The following LRRC37A2 variants were observed in gnomAD, a reference collection of about 807,000 sequenced individuals.
The protein encoded by LRRC37A2 is leucine-rich repeat-containing protein 37A2.
Under a neutral mutation model 68.8 loss-of-function variants are expected in LRRC37A2, and 9 were observed. The ratio of observed to expected loss-of-function variants is 0.13; its 90% confidence interval spans 0.08 to 0.23. The LOEUF (loss-of-function observed/expected upper bound fraction) is 0.23. Among genes scored for constraint, LRRC37A2 ranks in the 10% least tolerant of loss-of-function variants. The pLI is 1.00. For synonymous variants in LRRC37A2, 63 were observed against 367.6 expected, an observed-to-expected ratio of 0.17 and a Z score of 9.48; for missense variants, 168 against 950.4, an observed-to-expected ratio of 0.18 and a Z score of 10.82.
At chr17:46,711,732 C>T in the LRRC37A2 span, among the ~76,000 whole-genome samples, 1 of 152,016 alleles carries the variant, frequency 6.6e-6, no homozygotes. Context: ...TCAGTGAGGC[C>T]CCATGACAAG....
the LRRC37A2 span, among the ~76,000 whole-genome samples, chr17:46,962,017 G>T: frequency 6.6e-6 from 1 of 152,168 alleles, no homozygotes; most frequent in African/African-American, 2.4e-5. Context: ...TAAGGGAGTG[G>T]GGCATAGTTG....
chr17:46,958,364 A>G, the LRRC37A2 span, among the ~76,000 whole-genome samples: 2 of 152,264 alleles, frequency 1.3e-5, no homozygotes, highest in Non-Finnish European at 2.9e-5. Flanking sequence ...CACTCCTGAC[A>G]GTTGCAACAG....
the LRRC37A2 span, among the ~76,000 whole-genome samples, chr17:46,684,544 C>T: frequency 6.6e-6 from 1 of 151,914 alleles, no homozygotes; most frequent in Non-Finnish European, 1.5e-5. Context: ...GTACTGTTAC[C>T]AAAACAGATA....
the LRRC37A2 span, among the ~76,000 whole-genome samples, chr17:46,797,605 A>G: frequency 6.6e-6 from 1 of 152,238 alleles, no homozygotes; most frequent in Non-Finnish European, 1.5e-5. Flanking sequence ...TGTAAAGCTC[A>G]ACATTCACAC....
chr17:47,019,949 C>T, the LRRC37A2 span: 2 of 683,374 alleles, frequency 2.9e-6, no homozygotes, highest in Non-Finnish European at 5.2e-6. Flanking sequence ...TCTCCCTTCT[C>T]CTCATTCTCC....
chr17:46,823,130 ATATATATTATATTATATATATT>A, the LRRC37A2 span, among the ~76,000 whole-genome samples: 1 of 126,212 alleles, frequency 7.9e-6, no homozygotes, highest in Non-Finnish European at 1.6e-5. Flanking sequence ...ATTATATATT[ATATATATTATATTATATATATT>A]TATATATTAT....
At chr17:46,818,855 C>T in the LRRC37A2 span, 1 of 550,394 alleles carries the variant, frequency 1.8e-6, no homozygotes, top group South Asian at 2.2e-5. Flanking sequence ...ACGCGCCCCT[C>T]CCGCCCGGCC....
At chr17:46,869,461 C>T in the LRRC37A2 span, among the ~76,000 whole-genome samples, 1 of 152,168 alleles carries the variant, frequency 6.6e-6, no homozygotes. Flanking sequence ...GAGTGCTGGG[C>T]AGCGTCCCTG....
chr17:46,890,747 A>G, the LRRC37A2 span, among the ~76,000 whole-genome samples: 4 of 152,116 alleles, frequency 2.6e-5, no homozygotes, highest in Non-Finnish European at 5.9e-5. Flanking sequence ...CAAGGATCTC[A>G]CCAGCCATGG....
At chr17:46,992,198 C>CTAAATAAATAAATAAA in the LRRC37A2 span, among the ~76,000 whole-genome samples, 443 of 143,864 alleles carry the variant, frequency 3.1e-3, 2 homozygotes, top group African/African-American at 8.5e-3. Context: ...CCCATCTCTA[C>CTAAATAAATAAATAAA]TAAATAAATA....
chr17:46,900,168 C>CATATATATATATAT, the LRRC37A2 span, among the ~76,000 whole-genome samples: 2 of 64,054 alleles, frequency 3.1e-5, no homozygotes, highest in East Asian at 5.1e-4. Context: ...TATACATATA[C>CATATATATATATAT]ATATATATAT....
chr17:46,931,470 T>A, the LRRC37A2 span: 3 of 522,998 alleles, frequency 5.7e-6, no homozygotes, highest in Non-Finnish European at 6.8e-6. Context: ...CCAGTTCTGT[T>A]TTTTGACTAG....
At chr17:46,980,884 A>G in the LRRC37A2 span, among the ~76,000 whole-genome samples, 10 of 152,198 alleles carry the variant, frequency 6.6e-5, no homozygotes, top group African/African-American at 2.2e-4. Flanking sequence ...ATCAAAAAGT[A>G]CTTCCTACTA....
chr17:46,545,322 A>C (rs1308850692), intron 8 of LRRC37A2, among the ~76,000 whole-genome samples: 2 of 144,770 alleles, frequency 1.4e-5, no homozygotes, highest in Admixed American at 1.4e-4. Context: ...ATGGTGGTGC[A>C]AGCCTATACT....
chr17:46,992,168 C>G, the LRRC37A2 span, among the ~76,000 whole-genome samples: 2 of 88,792 alleles, frequency 2.3e-5, no homozygotes, highest in Non-Finnish European at 5.6e-5. Context: ...TGAGACCAGC[C>G]TGGCCAACAT....
the LRRC37A2 span, among the ~76,000 whole-genome samples, chr17:46,428,925 CA>C: frequency 5.1e-3 from 35 of 6,852 alleles, no homozygotes; most frequent in African/African-American, 0.024. Flanking sequence ...GACTCCATCT[CA>C]AAAAAAAAAA....
At chr17:46,916,256 A>ATGAG in the LRRC37A2 span, among the ~76,000 whole-genome samples, 1 of 152,208 alleles carries the variant, frequency 6.6e-6, no homozygotes, top group South Asian at 2.1e-4. Context: ...TAGTGATCTC[A>ATGAG]TGAGATACTG....
At chr17:46,533,737 A>G (rs1361815163) in intron 6 of LRRC37A2, among the ~76,000 whole-genome samples, 1 of 88,696 alleles carries the variant, frequency 1.1e-5, no homozygotes, top group Admixed American at 1.1e-4. Flanking sequence ...CTTGACCTCA[A>G]GTGATCCTCC....
chr17:46,971,486 C>G, the LRRC37A2 span, among the ~76,000 whole-genome samples: 1 of 152,164 alleles, frequency 6.6e-6, no homozygotes, highest in African/African-American at 2.4e-5. Flanking sequence ...CCCAGTGCCC[C>G]ACCCTAGCCT....
Sources: allele counts gnomAD v4.1 joint callset (sites outside exome capture counted in the v4.1 genomes callset), GRCh38; gene constraint gnomAD v4.1.1; transcripts MANE v1.5; gene names NCBI Gene and HGNC (gene_info 2026-07-23, HGNC 2026-07-21).